Variants in PCDHA6 observed in about 807,000 individuals in gnomAD.
PCDHA6 encodes protocadherin alpha 6.
A neutral mutation model predicts 60.3 loss-of-function variants in PCDHA6; 55 were observed. The ratio of observed to expected loss-of-function variants is 0.91; its 90% CI spans 0.73 to 1.14. The LOEUF is 1.14. Ranked by LOEUF, PCDHA6 falls within the 50% of genes most tolerant of loss-of-function variation. The pLI is 0.00. For missense variants in PCDHA6, 1,327 were observed against 1,256.5 expected, an observed-to-expected ratio of 1.06 and a Z score of -0.85; for synonymous variants, 652 against 557.9, an observed-to-expected ratio of 1.17 and a Z score of -2.38.
rs1554164263 is a variant in PCDHA6, at chr5:140,870,437, C to T, written c.2394+39952C>T. ...ACGGCCAGGGTATCCGTGGAGGTGG[C>T]CGACGTGAACGACAATGCGCCTGCG... On this transcript the variant is annotated intron_variant, in intron 1 of 3. Transcript: ENST00000529310. 3.1e-6 allele frequency: 5 copies of T among 1,614,210 alleles called. No homozygotes were observed. In the East Asian group the frequency reaches 1.1e-4, roughly 36 times the overall value.
At chr5:140,908,846 T>A (rs2074185614) in intron 1 of PCDHA6, among the ~76,000 whole-genome samples, 1 of 152,294 alleles carries the variant, frequency 6.6e-6, no homozygotes, top group East Asian at 1.9e-4. Flanking sequence ...TGGAGTAACA[T>A]ACCCAAATGA....
intron 1 of PCDHA6, among the ~76,000 whole-genome samples, chr5:140,907,747 G>A (rs782672220): frequency 7.9e-5 from 12 of 152,172 alleles, no homozygotes; most frequent in Admixed American, 2.0e-4. Flanking sequence ...TGGCCACTTT[G>A]TTCATGGGCC....
intron 1 of PCDHA6, among the ~76,000 whole-genome samples, chr5:140,918,196 G>T (rs978589409): frequency 7.9e-5 from 12 of 152,102 alleles, no homozygotes; most frequent in Non-Finnish European, 1.6e-4. Flanking sequence ...CCTCAGCTTG[G>T]ATGTTGTTGG....
chr5:140,864,404 G>A (rs2048464520), intron 1 of PCDHA6: 1 of 152,228 alleles, frequency 6.6e-6, no homozygotes. Flanking sequence ...GTGATGAGCA[G>A]GGTTGAGGCA....
At position 140,857,911 on chromosome 5, in the gene PCDHA6, T is replaced by C. The variant is rs144216608; in HGVS notation, c.2394+27426T>C. On this transcript the variant is annotated intron_variant, in intron 1 of 3. Transcript: ENST00000529310. ...CGGCGGTTGGTGCACGCATCCCGTT[T>C]CGCGTGGGGCTGTACACGGGCGAGA... 4,248 of 1,597,856 alleles carry C rather than the reference T, an allele frequency of 2.7e-3. 342 individuals are homozygous for C. Among genetic ancestry groups the C allele is most frequent in the Middle Eastern group, 0.01 (61 of 5,986 alleles).
chr5:140,853,632 CA>C, intron 1 of PCDHA6: 1 of 988,598 alleles, frequency 1.0e-6, no homozygotes, highest in South Asian at 4.7e-5. Flanking sequence ...TACAAGATCA[CA>C]GACCTAAATT....
intron 1 of PCDHA6, among the ~76,000 whole-genome samples, chr5:140,945,769 T>C (rs1358082978): frequency 1.3e-5 from 2 of 152,036 alleles, no homozygotes; most frequent in Non-Finnish European, 2.9e-5. Flanking sequence ...TGGGACAATT[T>C]GATATCCAGA....
chr5:140,861,488 T>C lies in PCDHA6; in HGVS notation c.2394+31003T>C, dbSNP rs182152713. 8.2e-6 allele frequency: 4 copies of C among 489,384 alleles called. No individual in the cohort carries two copies. In the East Asian group the frequency reaches 1.8e-4, roughly 21 times the overall value. The allele number at this position is 489,384 out of a possible 1,614,324, so 30.3% of individuals were successfully genotyped here. A position where few individuals can be genotyped will look rare whatever the true frequency, so the allele number is the denominator to read the frequency against. On this transcript the variant is annotated intron_variant, in intron 1 of 3. Transcript: ENST00000529310. ...ATCTGCAGAATGGCATTTTTGTGAGTTCTCTGATAGACCTCGAGGAGCTGT... is the reference window on the plus strand; with the variant it reads ...ATCTGCAGAATGGCATTTTTGTGAGCTCTCTGATAGACCTCGAGGAGCTGT...
chr5:140,892,497 T>C (rs1459778884), intron 1 of PCDHA6, among the ~76,000 whole-genome samples: 1 of 152,238 alleles, frequency 6.6e-6, no homozygotes, highest in Non-Finnish European at 1.5e-5. Context: ...GAGAGATTGT[T>C]TAAGAAGTTC....
At chr5:140,892,896 C>T (rs1489868294) in intron 1 of PCDHA6, among the ~76,000 whole-genome samples, 1 of 152,112 alleles carries the variant, frequency 6.6e-6, no homozygotes, top group Non-Finnish European at 1.5e-5. Flanking sequence ...CCAACCTTTC[C>T]CCATCCTCCT....
At chr5:140,967,351 G>C in intron 1 of PCDHA6, 1 of 1,608,106 alleles carries the variant, frequency 6.2e-7, no homozygotes, top group South Asian at 1.1e-5. Context: ...ACTTCGAGCT[G>C]GACCTTAAGC....
intron 1 of PCDHA6, among the ~76,000 whole-genome samples, chr5:140,940,100 C>T (rs536415343): frequency 6.6e-6 from 1 of 152,094 alleles, no homozygotes; most frequent in South Asian, 2.1e-4. Flanking sequence ...AAACTTTTAG[C>T]GTTATGTATT....
intron 1 of PCDHA6, among the ~76,000 whole-genome samples, chr5:140,937,626 A>G (rs2091639486): frequency 6.6e-6 from 1 of 150,782 alleles, no homozygotes; most frequent in Non-Finnish European, 1.5e-5. Context: ...AAAAAGAAAA[A>G]GAAAGGCAGG....
intron 3 of PCDHA6, among the ~76,000 whole-genome samples, chr5:141,006,384 T>G (rs181638891): frequency 6.6e-6 from 1 of 152,126 alleles, no homozygotes; most frequent in African/African-American, 2.4e-5. Flanking sequence ...GCTAAGTTTT[T>G]TCTATTTTTT....
In PCDHA6 at chr5:140,849,923, G is replaced by T. The variant is rs145904051; in HGVS notation, c.2394+19438G>T. 160 of 1,598,322 alleles carry T rather than the reference G, an allele frequency of 1.0e-4. 9 individuals carry two copies. The African/African-American group carries it at 1.2e-3, about 12-fold the overall frequency. On this transcript the variant is annotated intron_variant, in intron 1 of 3. Transcript: ENST00000529310. ...ACCCGCCGGGCTGCCACATCTTCAC[G>T]GTGTCTGCGCGGGACGCTGACGCGC...
At position 140,863,376 on chromosome 5, in the gene PCDHA6, C is replaced by A. The variant is rs781824830; in HGVS notation, c.2394+32891C>A. The A allele has an allele frequency of 5.3e-6, 6 of 1,123,238 alleles. No individual in the cohort carries two copies. The Admixed American group carries it at 5.5e-5, about 10-fold the overall frequency. 69.6% of individuals were successfully genotyped at this position (1,123,238 alleles called of 1,614,324 possible). On this transcript the variant is annotated intron_variant, in intron 1 of 3. Transcript: ENST00000529310. ...CGCTGCGGTGCTTGGCGCAGCTCAC[C>A]GAGAGCTCGTGCATGCCGGGCAAGC... is the stretch of plus-strand genomic sequence containing the variant.
chr5:140,851,823 GT>G, intron 1 of PCDHA6: 1 of 963,106 alleles, frequency 1.0e-6, no homozygotes, highest in Non-Finnish European at 1.3e-6. Context: ...ACAGAAATCT[GT>G]TTTTTTAAAA....
At chr5:141,006,755 A>G (rs1554260896) in intron 3 of PCDHA6, among the ~76,000 whole-genome samples, 1 of 152,190 alleles carries the variant, frequency 6.6e-6, no homozygotes, top group East Asian at 1.9e-4. Flanking sequence ...TAAATGGAGA[A>G]TGAAGAATAG....
At chr5:140,868,439 G>A (rs2050456620) in intron 1 of PCDHA6, 2 of 152,256 alleles carry the variant, frequency 1.3e-5, no homozygotes, top group South Asian at 4.2e-4. Flanking sequence ...TAGATCATGT[G>A]GAACATAAAC....
Sources: gnomAD v4.1 joint callset for allele counts (sites outside exome capture counted in the v4.1 genomes callset) on GRCh38, gnomAD v4.1.1 for gene constraint, MANE v1.5 for transcripts, NCBI Gene and HGNC (gene_info 2026-07-23, HGNC 2026-07-21) for gene names.